PRKN: variants seen among roughly 807,000 people sequenced by gnomAD.
PRKN encodes parkin RBR E3 ubiquitin protein ligase.
Under a neutral mutation model 59.5 loss-of-function variants are expected in PRKN, and 56 were observed. The observed-to-expected ratio is 0.94, with a 90% CI of 0.76 to 1.18. PRKN has a LOEUF of 1.18. Among genes scored for constraint, PRKN ranks in the 50% most tolerant of loss-of-function variants. The pLI, the probability that PRKN is intolerant of heterozygous loss-of-function variation, is 0.00. For missense variants in PRKN, 657 were observed against 596.4 expected, an observed-to-expected ratio of 1.10 and a Z score of -1.06; for synonymous variants, 250 against 222.1, an observed-to-expected ratio of 1.13 and a Z score of -1.12.
At chr6:162,538,631 A>T (rs1778807903) in intron 1 of PRKN, among the ~76,000 whole-genome samples, 1 of 152,152 alleles carries the variant, frequency 6.6e-6, no homozygotes, top group Non-Finnish European at 1.5e-5. Context: ...ATCCAGACAG[A>T]ATCTCTGAGG....
At chr6:161,864,929 C>T (rs745802729) in intron 6 of PRKN, among the ~76,000 whole-genome samples, 50 of 152,288 alleles carry the variant, frequency 3.3e-4, no homozygotes, top group Middle Eastern at 3.4e-3. Flanking sequence ...GCTGGGATTA[C>T]AGGCGTGAAC....
At chr6:162,625,912 G>T (rs190686887) in intron 1 of PRKN, among the ~76,000 whole-genome samples, 79 of 152,244 alleles carry the variant, frequency 5.2e-4, no homozygotes, top group African/African-American at 1.8e-3. Context: ...GCATGAATTT[G>T]CAAGAAAGAC....
rs542030778 is a variant in PRKN, at chr6:162,511,764, C to A, written c.8-68291G>T. On this transcript the variant is annotated intron_variant, in intron 1 of 11. Transcript: ENST00000366898. ...TTGGCATCCCTGCACCTGAGTCTAA[C>A]CAGCCCCCCATGATACGTGATCTAC... 1.3e-4 allele frequency among the ~76,000 whole-genome samples: 20 copies of A among 152,228 alleles called. No homozygotes were observed. The South Asian group carries it at 4.2e-3, about 32-fold the overall frequency.
chr6:162,294,325 G>C (rs1271074503), intron 2 of PRKN, among the ~76,000 whole-genome samples: 2 of 151,956 alleles, frequency 1.3e-5, no homozygotes, highest in African/African-American at 2.4e-5. Flanking sequence ...GCCTGAGAGA[G>C]AGAAGGAGGT....
At chr6:162,138,826 G>A (rs951668215) in intron 4 of PRKN, among the ~76,000 whole-genome samples, 2 of 152,178 alleles carry the variant, frequency 1.3e-5, no homozygotes, top group Non-Finnish European at 2.9e-5. Context: ...GAAATAGCAA[G>A]AGAACCCATT....
intron 7 of PRKN, among the ~76,000 whole-genome samples, chr6:161,664,337 A>C (rs985732292): frequency 2.0e-5 from 3 of 152,232 alleles, no homozygotes; most frequent in African/African-American, 7.2e-5. Context: ...AGGGGTGTAC[A>C]AATGGCACTT....
intron 6 of PRKN, among the ~76,000 whole-genome samples, chr6:161,822,076 G>A (rs1025157648): frequency 4.0e-5 from 6 of 151,754 alleles, no homozygotes; most frequent in Non-Finnish European, 8.8e-5. Context: ...ATTGATAATG[G>A]TTTATTTATA....
intron 1 of PRKN, among the ~76,000 whole-genome samples, chr6:162,570,089 A>G (rs1486775037): frequency 6.6e-6 from 1 of 152,222 alleles, no homozygotes; most frequent in Non-Finnish European, 1.5e-5. Flanking sequence ...CAAGGAGCTC[A>G]AACAATGCTA....
At chr6:162,606,003 T>C (rs1462810645) in intron 1 of PRKN, among the ~76,000 whole-genome samples, 1 of 152,230 alleles carries the variant, frequency 6.6e-6, no homozygotes, top group Non-Finnish European at 1.5e-5. Flanking sequence ...TCAAAGTTTA[T>C]TGTTAATCTT....
intron 5 of PRKN, among the ~76,000 whole-genome samples, chr6:161,986,228 G>A (rs767838804): frequency 4.6e-5 from 7 of 152,204 alleles, no homozygotes; most frequent in Non-Finnish European, 7.3e-5. Flanking sequence ...GAACTGCCCT[G>A]AGCTGCTACT....
chr6:162,239,162 A>G (rs892380082), intron 3 of PRKN, among the ~76,000 whole-genome samples: 1 of 152,170 alleles, frequency 6.6e-6, no homozygotes, highest in African/African-American at 2.4e-5. Context: ...GATGGTATGT[A>G]GTAATACGTC....
At chr6:161,406,637 A>G (rs1460210880) in intron 9 of PRKN, among the ~76,000 whole-genome samples, 1 of 152,190 alleles carries the variant, frequency 6.6e-6, no homozygotes, top group African/African-American at 2.4e-5. Flanking sequence ...GTTAATGGCA[A>G]TACAGTGACT....
chr6:162,503,051 C>G (rs1793441071), intron 1 of PRKN, among the ~76,000 whole-genome samples: 1 of 148,632 alleles, frequency 6.7e-6, no homozygotes, highest in Non-Finnish European at 1.5e-5. Context: ...TTTGAAGCAT[C>G]AAATTTATGT....
In PRKN at chr6:161,372,793, T is replaced by C. The variant is rs1381445421; in HGVS notation, c.1168-12588A>G. Among the ~76,000 whole-genome samples the C allele has an allele frequency of 6.6e-6, 1 of 151,388 alleles. No homozygotes were observed. The highest frequency in any genetic ancestry group is 1.5e-5 in the Non-Finnish European group (1 of 67,942). ...AACTACTGCTCGCAGAAGGTCTACA[T>C]ACACTGTGGTCAACAAAGACAGAGA... On this transcript the variant is annotated intron_variant, in intron 10 of 11. Coordinates refer to ENST00000366898, the MANE Select transcript of PRKN (RefSeq NM_004562.3). The surrounding 1 kb of genome is among the most constrained non-coding windows in gnomAD (Gnocchi z 4.2).
At chr6:161,408,317 TA>T (rs35131999) in intron 9 of PRKN, among the ~76,000 whole-genome samples, 4,838 of 99,530 alleles carry the variant, frequency 0.049, 190 homozygotes, top group African/African-American at 0.13. Context: ...GAAAAACTGG[TA>T]AAAAAAAAAA....
At chr6:162,543,666 C>A (rs146536566) in intron 1 of PRKN, among the ~76,000 whole-genome samples, 2 of 152,256 alleles carry the variant, frequency 1.3e-5, no homozygotes, top group East Asian at 3.9e-4. Flanking sequence ...CCCTGTCACA[C>A]TTTAAGTAAC....
chr6:162,710,897 G>C (rs1023430324), intron 1 of PRKN, among the ~76,000 whole-genome samples: 1 of 152,186 alleles, frequency 6.6e-6, no homozygotes, highest in African/African-American at 2.4e-5. Context: ...TGGTCAAATG[G>C]AAATGGTATA....
In PRKN at chr6:161,484,729, C is replaced by T. The variant is rs1301156246; in HGVS notation, c.1083+64125G>A. Among the ~76,000 whole-genome samples, 1 of 152,168 alleles carries T rather than the reference C, an allele frequency of 6.6e-6. No individual in the cohort carries two copies. The highest frequency in any genetic ancestry group is 1.9e-4 in the East Asian group (1 of 5,186). On this transcript the variant is annotated intron_variant, in intron 9 of 11. Coordinates refer to ENST00000366898, the MANE Select transcript of PRKN (RefSeq NM_004562.3). The surrounding 1 kb of genome is among the most constrained non-coding windows in gnomAD (Gnocchi z 4.9). ...TGTTTGGCACCATCCCTGCCTCTAC[C>T]CGCTAGATGCTAGAAGCATCCCCCT...
intron 2 of PRKN, among the ~76,000 whole-genome samples, chr6:162,278,531 C>T (rs1562635469): frequency 6.6e-6 from 1 of 151,930 alleles, no homozygotes; most frequent in Non-Finnish European, 1.5e-5. Flanking sequence ...GGTATGGGCA[C>T]ATTTGGGCAG....
Sources: allele counts gnomAD v4.1 joint callset (sites outside exome capture counted in the v4.1 genomes callset), GRCh38; gene constraint gnomAD v4.1.1; non-coding constraint Gnocchi (gnomAD v3.1); transcripts MANE v1.5; gene names NCBI Gene and HGNC (gene_info 2026-07-23, HGNC 2026-07-21).